The following RIMS1 variants were observed in gnomAD, a reference collection of about 807,000 sequenced individuals.
RIMS1 encodes the protein regulating synaptic membrane exocytosis protein 1.
In RIMS1, 83 loss-of-function variants were observed where a neutral mutation model predicts 214.1. That is an observed-to-expected ratio of 0.39 (90% CI 0.32 to 0.47). RIMS1 has a LOEUF of 0.47. RIMS1 is among the 20% of genes least tolerant of loss of function. RIMS1 has a pLI of 0.99. For synonymous variants in RIMS1, 793 were observed against 786.8 expected, an observed-to-expected ratio of 1.01 and a Z score of -0.13; for missense variants, 2,050 against 2,161.8, an observed-to-expected ratio of 0.95 and a Z score of 1.03.
At chr6:72,076,032 A>G (rs1270573133) in intron 2 of RIMS1, among the ~76,000 whole-genome samples, 3 of 152,212 alleles carry the variant, frequency 2.0e-5, no homozygotes, top group African/African-American at 7.2e-5. Context: ...CATTTATTGT[A>G]AATATTAACT....
chr6:72,384,147 T>TAA (rs2154427814), intron 29 of RIMS1, among the ~76,000 whole-genome samples: 1 of 152,298 alleles, frequency 6.6e-6, no homozygotes, highest in South Asian at 2.1e-4. Context: ...CCGATAATGT[T>TAA]AAGTCTAACA....
intron 2 of RIMS1, among the ~76,000 whole-genome samples, chr6:72,094,141 T>TGAGAA (rs1554221615): frequency 2.6e-5 from 4 of 151,710 alleles, no homozygotes; most frequent in Non-Finnish European, 4.4e-5. Flanking sequence ...CAAAACAGAC[T>TGAGAA]AATTTATACC....
intron 5 of RIMS1, among the ~76,000 whole-genome samples, chr6:72,180,964 C>G (rs1287835840): frequency 6.6e-6 from 1 of 152,188 alleles, no homozygotes; most frequent in Non-Finnish European, 1.5e-5. Flanking sequence ...CAAGCTGGCA[C>G]ATAGTAGGCT....
chr6:72,267,995 T>C (rs1335387075), intron 22 of RIMS1, among the ~76,000 whole-genome samples: 3 of 152,142 alleles, frequency 2.0e-5, no homozygotes, highest in Non-Finnish European at 2.9e-5. Flanking sequence ...GATCCTAAGT[T>C]TATTGGGATC....
At chr6:72,098,201 A>G (rs2032426323) in intron 3 of RIMS1, among the ~76,000 whole-genome samples, 1 of 152,160 alleles carries the variant, frequency 6.6e-6, no homozygotes, top group Non-Finnish European at 1.5e-5. Context: ...AATCAACATT[A>G]TATTCTTTAG....
intron 2 of RIMS1, among the ~76,000 whole-genome samples, chr6:71,988,470 G>A (rs530616086): frequency 3.3e-5 from 5 of 152,062 alleles, no homozygotes; most frequent in Non-Finnish European, 5.9e-5. Flanking sequence ...TGTTCTCATT[G>A]AGCTAGTAAT....
rs147355995 is a variant in RIMS1, at chr6:72,059,486, C to A, written c.246-37463C>A. ...TCAAGCCATCCATCCCCCTCGGCCT[C>A]CCAAAGTGCTGGAATTACAGGTGTG... On this transcript the variant is annotated intron_variant, in intron 2 of 33. Coordinates refer to ENST00000521978, the MANE Select transcript of RIMS1 (RefSeq NM_014989.7). Among the ~76,000 whole-genome samples the A allele has an allele frequency of 3.1e-3, 467 of 152,274 alleles. 1 individual carries two copies. Among genetic ancestry groups the A allele is most frequent in the African/African-American group, 0.011 (442 of 41,556 alleles).
At chr6:72,011,886 G>A (rs139398000) in intron 2 of RIMS1, among the ~76,000 whole-genome samples, 2,096 of 152,134 alleles carry the variant, frequency 0.014, 61 homozygotes, top group African/African-American at 0.048. Flanking sequence ...TTGGTGGGAC[G>A]GTAAACTAGC....
intron 29 of RIMS1, among the ~76,000 whole-genome samples, chr6:72,380,009 C>A (rs1397452220): frequency 6.6e-6 from 1 of 152,116 alleles, no homozygotes; most frequent in East Asian, 1.9e-4. Flanking sequence ...AAATGCCCAT[C>A]AATGATAGAC....
intron 6 of RIMS1, among the ~76,000 whole-genome samples, chr6:72,232,008 T>C (rs548954343): frequency 5.9e-5 from 9 of 151,702 alleles, no homozygotes; most frequent in Non-Finnish European, 1.2e-4. Context: ...TATTGAGGGA[T>C]ACAATAAACT....
Position 71,986,814 on chromosome 6 carries a change from A to G in RIMS1, c.245+17751A>G, listed in dbSNP as rs1800108040. ...GAATATCAATCAGTTGGAATGGGCA[A>G]TAGCCCAAGGGTGCTGCTGTGTGAG... On this transcript the variant is annotated intron_variant, in intron 2 of 33. Transcript: ENST00000521978. Among the ~76,000 whole-genome samples, 2 of 152,260 alleles carry G rather than the reference A, an allele frequency of 1.3e-5. 1 individual carries two copies. The highest frequency in any genetic ancestry group is 4.1e-4 in the South Asian group (2 of 4,838).
intron 1 of RIMS1, among the ~76,000 whole-genome samples, chr6:71,918,903 A>G (rs943786256): frequency 6.6e-6 from 1 of 152,120 alleles, no homozygotes; most frequent in African/African-American, 2.4e-5. Flanking sequence ...AGGGCCAGAG[A>G]GAAGGCTGGG....
intron 4 of RIMS1, among the ~76,000 whole-genome samples, chr6:72,108,845 C>A (rs1207258773): frequency 6.7e-5 from 7 of 105,182 alleles, no homozygotes; most frequent in Non-Finnish European, 9.1e-5. Context: ...AGCTATCCCT[C>A]CCCCCTCCCC....
intron 2 of RIMS1, among the ~76,000 whole-genome samples, chr6:72,016,851 A>G (rs1812925577): frequency 6.6e-6 from 1 of 152,218 alleles, no homozygotes; most frequent in African/African-American, 2.4e-5. Context: ...AATGCTTATA[A>G]TAGGGAGAAT....
intron 1 of RIMS1, among the ~76,000 whole-genome samples, chr6:71,963,835 C>A (rs967569619): frequency 3.3e-5 from 5 of 152,120 alleles, no homozygotes; most frequent in African/African-American, 1.2e-4. Context: ...TGTGTTTTAC[C>A]ATGTTAAATT....
chr6:72,384,932 CTAAA>C (rs1229939253), intron 29 of RIMS1, among the ~76,000 whole-genome samples: 1 of 152,098 alleles, frequency 6.6e-6, no homozygotes, highest in Non-Finnish European at 1.5e-5. Flanking sequence ...ACACATATCT[CTAAA>C]TAAGCAAAGA....
chr6:72,354,089 A>T (rs2097551134), intron 29 of RIMS1, among the ~76,000 whole-genome samples: 1 of 152,138 alleles, frequency 6.6e-6, no homozygotes, highest in Non-Finnish European at 1.5e-5. Context: ...GCGTGGTGGC[A>T]CGTGCCTGCA....
intron 2 of RIMS1, among the ~76,000 whole-genome samples, chr6:72,080,353 G>A (rs941231943): frequency 2.6e-5 from 4 of 152,120 alleles, no homozygotes; most frequent in African/African-American, 9.7e-5. Context: ...GTTAAAGCAA[G>A]GTAGAAGGAA....
Position 72,163,329 on chromosome 6 carries a change from A to G in RIMS1, c.472-16246A>G, listed in dbSNP as rs1189753367. Among the ~76,000 whole-genome samples the G allele has an allele frequency of 1.4e-5, 2 of 139,900 alleles. 1 individual carries two copies. The highest frequency in any genetic ancestry group is 3.2e-5 in the Non-Finnish European group (2 of 61,618). 91.8% of individuals were successfully genotyped at this position (139,900 alleles called of 152,430 possible). ...TTTTAACTTCTTTGCCATGGGTTCA[A>G]ACTTCCTCCTTTAGTTCAGAGTAGT... On this transcript the variant is annotated intron_variant, in intron 4 of 33. Coordinates refer to ENST00000521978, the MANE Select transcript of RIMS1 (RefSeq NM_014989.7).
Sources: allele counts gnomAD v4.1 joint callset (sites outside exome capture counted in the v4.1 genomes callset), GRCh38; gene constraint gnomAD v4.1.1; transcripts MANE v1.5; gene names NCBI Gene and HGNC (gene_info 2026-07-23, HGNC 2026-07-21).